The following MSRA variants were observed in gnomAD, a reference collection of about 807,000 sequenced individuals.
MSRA encodes mitochondrial peptide methionine sulfoxide reductase.
In MSRA, 54 loss-of-function variants were observed where a neutral mutation model predicts 31.3. The ratio of observed to expected loss-of-function variants is 1.73; its 90% CI spans 1.39 to 2.17. The LOEUF (loss-of-function observed/expected upper bound fraction) is 2.17, where lower values mean the gene tolerates loss of function less well. MSRA is among the 30% of genes most tolerant of loss of function. The probability of loss-of-function intolerance (pLI) is 0.00; values close to 1 mark genes in which losing one functional copy is unlikely to be tolerated. For synonymous variants in MSRA, 169 were observed against 116.5 expected, an observed-to-expected ratio of 1.45 and a Z score of -2.90; for missense variants, 507 against 300.9, an observed-to-expected ratio of 1.69 and a Z score of -5.07.
At chr8:10,290,964 C>A (rs1372265300) in intron 3 of MSRA, among the ~76,000 whole-genome samples, 3 of 152,054 alleles carry the variant, frequency 2.0e-5, no homozygotes, top group African/African-American at 7.2e-5. Context: ...CCTTTTGTAC[C>A]CTTCTTATTC....
chr8:10,111,809 G>C (rs149654952), intron 1 of MSRA, among the ~76,000 whole-genome samples: 1 of 152,300 alleles, frequency 6.6e-6, no homozygotes, highest in African/African-American at 2.4e-5. Flanking sequence ...TGTGCTGTGA[G>C]ATGGTCACAC....
chr8:10,256,292 G>A (rs1220240683), intron 3 of MSRA, among the ~76,000 whole-genome samples: 1 of 152,180 alleles, frequency 6.6e-6, no homozygotes, highest in East Asian at 1.9e-4. Flanking sequence ...TCTTTTCACG[G>A]CTTGGTAGGT....
chr8:10,266,159 GA>G (rs1372203615), intron 3 of MSRA, among the ~76,000 whole-genome samples: 1 of 152,172 alleles, frequency 6.6e-6, no homozygotes, highest in African/African-American at 2.4e-5. Context: ...AACTTTTTAA[GA>G]AATTTCCAAA....
intron 1 of MSRA, among the ~76,000 whole-genome samples, chr8:10,152,600 T>C (rs138558270): frequency 0.014 from 2,195 of 152,344 alleles, 19 homozygotes; most frequent in Admixed American, 0.027. Flanking sequence ...CTTCATTGTT[T>C]TAGATTCTGT....
chr8:10,347,554 G>C (rs1228432962), intron 5 of MSRA, among the ~76,000 whole-genome samples: 1 of 152,040 alleles, frequency 6.6e-6, no homozygotes, highest in African/African-American at 2.4e-5. Flanking sequence ...CCTTTGTTCT[G>C]GTTTGGACTC....
intron 4 of MSRA, among the ~76,000 whole-genome samples, chr8:10,310,013 C>T (rs950128993): frequency 6.6e-6 from 1 of 152,210 alleles, no homozygotes; most frequent in Non-Finnish European, 1.5e-5. Context: ...ATCAACTTGG[C>T]AATAAAATAC....
At chr8:10,138,139 G>C (rs966131443) in intron 1 of MSRA, among the ~76,000 whole-genome samples, 1 of 152,174 alleles carries the variant, frequency 6.6e-6, no homozygotes, top group African/African-American at 2.4e-5. Context: ...TTCAGTGATG[G>C]GTGGTAAATT....
At chr8:10,417,942 C>G (rs556261312) in intron 5 of MSRA, among the ~76,000 whole-genome samples, 2 of 152,206 alleles carry the variant, frequency 1.3e-5, no homozygotes, top group South Asian at 4.1e-4. Context: ...CGAAGTGAGT[C>G]TAGAATCCAC....
At chr8:10,332,476 C>A (rs1031463663) in intron 5 of MSRA, among the ~76,000 whole-genome samples, 5 of 148,324 alleles carry the variant, frequency 3.4e-5, no homozygotes, top group Admixed American at 6.7e-5. Flanking sequence ...GTATGCCTAG[C>A]AATAGGGATA....
chr8:10,301,028 C>G (rs932837042), intron 3 of MSRA, among the ~76,000 whole-genome samples: 4 of 152,172 alleles, frequency 2.6e-5, no homozygotes, highest in African/African-American at 9.7e-5. Flanking sequence ...CAGCACAGCA[C>G]GTATGTCCCT....
chr8:10,192,928 C>G (rs181233988), intron 1 of MSRA, among the ~76,000 whole-genome samples: 1 of 152,328 alleles, frequency 6.6e-6, no homozygotes, highest in Non-Finnish European at 1.5e-5. Context: ...AAATGTGACT[C>G]ATTTTTAAAT....
intron 5 of MSRA, among the ~76,000 whole-genome samples, chr8:10,365,942 G>C (rs1259128150): frequency 6.6e-6 from 1 of 152,152 alleles, no homozygotes; most frequent in African/African-American, 2.4e-5. Flanking sequence ...CTAGTCAATG[G>C]GGCTGCAGGA....
intron 5 of MSRA, among the ~76,000 whole-genome samples, chr8:10,410,783 C>T (rs1808108605): frequency 6.6e-6 from 1 of 152,156 alleles, no homozygotes; most frequent in Admixed American, 6.5e-5. Context: ...TTTTGTAACT[C>T]CAGTTAACAT....
chr8:10,212,755 G>C (rs1470669017), intron 2 of MSRA, among the ~76,000 whole-genome samples: 1 of 152,152 alleles, frequency 6.6e-6, no homozygotes, highest in African/African-American at 2.4e-5. Context: ...TCCTTAACCA[G>C]TTTGGAGGTG....
intron 5 of MSRA, among the ~76,000 whole-genome samples, chr8:10,415,077 C>T (rs955057544): frequency 4.6e-5 from 7 of 152,160 alleles, no homozygotes; most frequent in Non-Finnish European, 7.4e-5. Flanking sequence ...AACCATCCTG[C>T]GGGTGGAGGG....
intron 1 of MSRA, among the ~76,000 whole-genome samples, chr8:10,098,272 A>G (rs537315830): frequency 4.6e-5 from 7 of 152,322 alleles, no homozygotes; most frequent in Non-Finnish European, 1.0e-4. Context: ...TTTGAATTGT[A>G]TAATATTTTG....
At chr8:10,230,792 G>C (rs997545650) in intron 2 of MSRA, among the ~76,000 whole-genome samples, 1 of 152,064 alleles carries the variant, frequency 6.6e-6, no homozygotes, top group East Asian at 1.9e-4. Context: ...TTGTTGTTGT[G>C]GTTTTAATTG....
chr8:10,171,704 A>C (rs1191214936), intron 1 of MSRA, among the ~76,000 whole-genome samples: 1 of 152,234 alleles, frequency 6.6e-6, no homozygotes, highest in East Asian at 1.9e-4. Context: ...TCATCAACTC[A>C]ACCATGTGTA....
chr8:10,370,726 G>A (rs1403527200), intron 5 of MSRA, among the ~76,000 whole-genome samples: 1 of 152,226 alleles, frequency 6.6e-6, no homozygotes, highest in African/African-American at 2.4e-5. Flanking sequence ...GGCTGTCACA[G>A]TGAACGACAA....
Sources: allele counts gnomAD v4.1 joint callset (sites outside exome capture counted in the v4.1 genomes callset), GRCh38; gene constraint gnomAD v4.1.1; transcripts MANE v1.5; gene names NCBI Gene and HGNC (gene_info 2026-07-23, HGNC 2026-07-21).